The following AGBL2 variants were observed in gnomAD, a reference collection of about 807,000 sequenced individuals.
The protein encoded by AGBL2 is cytosolic carboxypeptidase 2.
In AGBL2, 87 loss-of-function variants were observed where a neutral mutation model predicts 103.0. The ratio of observed to expected loss-of-function variants is 0.84; its 90% CI spans 0.71 to 1.01. The LOEUF is 1.01. AGBL2 is among the 50% of genes least tolerant of loss of function. The pLI is 0.00. For missense variants in AGBL2, 904 were observed against 1,023.5 expected (o/e 0.88, Z 1.59); for synonymous variants, 335 against 356.7 (o/e 0.94, Z 0.69).
At chr11:47,671,881 A>G (rs938314807) in intron 14 of AGBL2, among the ~76,000 whole-genome samples, 2 of 152,230 alleles carry the variant, frequency 1.3e-5, no homozygotes, top group Non-Finnish European at 2.9e-5. Context: ...GTGTACACAC[A>G]CAGAGCAAAC....
intron 3 of AGBL2, among the ~76,000 whole-genome samples, chr11:47,713,535 AAAAAT>A (rs1171363431): frequency 1.3e-4 from 19 of 151,188 alleles, no homozygotes; most frequent in Non-Finnish European, 2.5e-4. Context: ...AAAATAAATA[AAAAAT>A]AAAATAAAAT....
Position 47,714,775 on chromosome 11 carries a change from G to GA in AGBL2, c.-100-26dup, listed in dbSNP as rs1565108413. Reference sequence around the variant, plus strand: ...GCTACAAAGCCACAAGAGGACAAGTGAAAAAACTGCCAATACCTCCCCGGG... The same window carrying GA: ...GCTACAAAGCCACAAGAGGACAAGTGAAAAAAACTGCCAATACCTCCCCGGG... On this transcript the variant is annotated intron_variant, in intron 1 of 18. Coordinates refer to ENST00000525123, the MANE Select transcript of AGBL2 (RefSeq NM_024783.4). 5.0e-6 allele frequency: 5 copies of GA among 1,004,448 alleles called. No homozygotes were observed. In the Admixed American group the frequency reaches 9.0e-5, roughly 18 times the overall value. 62.2% of individuals were successfully genotyped at this position (1,004,448 alleles called of 1,614,324 possible).
intron 14 of AGBL2, among the ~76,000 whole-genome samples, chr11:47,674,191 G>C (rs2097366672): frequency 6.6e-6 from 1 of 152,160 alleles, no homozygotes; most frequent in Non-Finnish European, 1.5e-5. Flanking sequence ...GCACCTAAGG[G>C]GGATAAGGAG....
intron 3 of AGBL2, among the ~76,000 whole-genome samples, chr11:47,713,430 C>A (rs1303026006): frequency 6.7e-6 from 1 of 149,056 alleles, no homozygotes; most frequent in Admixed American, 6.7e-5. Flanking sequence ...GAGGCTGAGG[C>A]AGGAGAATCT....
chr11:47,699,715 CTT>C (rs1262538673), intron 7 of AGBL2, among the ~76,000 whole-genome samples, 162 bp from the exon 8 acceptor site: 2 of 152,054 alleles, frequency 1.3e-5, no homozygotes, highest in African/African-American at 4.8e-5. Context: ...ATAATTATGT[CTT>C]GTTTCTTTCT....
intron 8 of AGBL2, among the ~76,000 whole-genome samples, chr11:47,694,331 C>T (rs964370428): frequency 1.3e-5 from 2 of 152,138 alleles, no homozygotes; most frequent in Non-Finnish European, 2.9e-5. Flanking sequence ...CGATGTTAGC[C>T]TTCCTCTTTA....
intron 4 of AGBL2, among the ~76,000 whole-genome samples, chr11:47,709,830 C>G (rs543578491): frequency 3.3e-5 from 5 of 152,272 alleles, no homozygotes; most frequent in Non-Finnish European, 7.4e-5. Context: ...CTCAAGTGAT[C>G]TGCCTGCCTC....
intron 4 of AGBL2, chr11:47,710,081 G>C (rs1340549086): frequency 3.7e-6 from 1 of 270,592 alleles, no homozygotes; most frequent in African/African-American, 2.2e-5. Context: ...TAGAGCTGGG[G>C]TTTTGCCATG....
rs1208038938 is a variant in AGBL2 at position 47,715,360 on chromosome 11, C to G, written c.-286G>C. 1 of 152,304 alleles carries G rather than the reference C, an allele frequency of 6.6e-6. No individual in the cohort carries two copies. The highest frequency in any genetic ancestry group is 6.5e-5 in the Admixed American group (1 of 15,282). The allele number at this position is 152,304 out of a possible 1,614,324, so 9.4% of individuals were successfully genotyped here. A position where few individuals can be genotyped will look rare whatever the true frequency, so the allele number is the denominator to read the frequency against. On this transcript the variant is annotated 5_prime_UTR_variant, in exon 1 of 19. Coordinates refer to ENST00000525123, the MANE Select transcript of AGBL2 (RefSeq NM_024783.4). ...CCCGCCACCGCCTTCTGTGAGGGCC[C>G]GGGTAGTCTAGCAACCGAAAGCAGG...
intron 12 of AGBL2, 48 bp from the exon 13 acceptor site, chr11:47,680,121 A>T (rs1230580122): frequency 1.7e-6 from 2 of 1,173,794 alleles, no homozygotes; most frequent in Non-Finnish European, 2.5e-6. Context: ...AATCTTAGTG[A>T]CTGAATGTAA....
intron 17 of AGBL2, chr11:47,666,478 G>A: frequency 4.1e-6 from 1 of 243,458 alleles, no homozygotes; most frequent in Non-Finnish European, 7.7e-6. Flanking sequence ...TCTCCTCTGT[G>A]TTGCCACTGC....
At chr11:47,698,606 GCCATAAATAC>G (rs1327336210) in intron 8 of AGBL2, among the ~76,000 whole-genome samples, 3 of 152,122 alleles carry the variant, frequency 2.0e-5, no homozygotes, top group Non-Finnish European at 4.4e-5. Flanking sequence ...GGCACTTAAA[GCCATAAATAC>G]CCATAAATAT....
At chr11:47,704,242 G>T (rs1428714031) in intron 7 of AGBL2, among the ~76,000 whole-genome samples, 2 of 152,070 alleles carry the variant, frequency 1.3e-5, no homozygotes, top group Non-Finnish European at 2.9e-5. Flanking sequence ...AGCACTTTGG[G>T]AGGCCAAGGT....
chr11:47,699,370 C>A, intron 8 of AGBL2, 76 bp downstream of exon 8: 1 of 860,658 alleles, frequency 1.2e-6, no homozygotes, highest in South Asian at 2.0e-5. Flanking sequence ...TTTTTAAAAT[C>A]ACTTTTATTA....
At chr11:47,686,202 T>TG (rs1404118472) in intron 10 of AGBL2, among the ~76,000 whole-genome samples, 153 bp from the exon 11 acceptor site, 1 of 152,162 alleles carries the variant, frequency 6.6e-6, no homozygotes, top group African/African-American at 2.4e-5. Context: ...CCTATCTCCA[T>TG]TCTCAGCCAC....
intron 18 of AGBL2, among the ~76,000 whole-genome samples, chr11:47,661,423 C>T (rs989095248): frequency 9.9e-5 from 15 of 152,078 alleles, no homozygotes; most frequent in African/African-American, 1.7e-4. Context: ...ATCTTTTCGC[C>T]GCTCTTCATT....
intron 8 of AGBL2, among the ~76,000 whole-genome samples, chr11:47,697,376 C>A (rs954670877): frequency 6.6e-6 from 1 of 151,408 alleles, no homozygotes; most frequent in African/African-American, 2.4e-5. Context: ...ATAGCTGTAA[C>A]TACAGGCGCA....
At chr11:47,689,881 C>T (rs960200908) in intron 10 of AGBL2, among the ~76,000 whole-genome samples, 195 bp downstream of exon 10, 2 of 152,056 alleles carry the variant, frequency 1.3e-5, no homozygotes, top group Non-Finnish European at 2.9e-5. Flanking sequence ...AGTTTCAACC[C>T]AAAGACAAGA....
At chr11:47,714,401 C>G in intron 2 of AGBL2, 54 bp from the exon 3 acceptor site, 1 of 1,548,420 alleles carries the variant, frequency 6.5e-7, no homozygotes, top group Non-Finnish European at 8.9e-7. Context: ...CCATAATAGA[C>G]TCAACAAAAA....
Sources: allele counts gnomAD v4.1 joint callset (sites outside exome capture counted in the v4.1 genomes callset), GRCh38; gene constraint gnomAD v4.1.1; transcripts MANE v1.5; gene names NCBI Gene and HGNC (gene_info 2026-07-23, HGNC 2026-07-21).